CEACAM6: variants seen among roughly 807,000 people sequenced by gnomAD.
The protein encoded by CEACAM6 is cell adhesion molecule CEACAM6.
CEACAM6 carries 21 observed loss-of-function variants against 32.4 expected under a neutral mutation model. The observed-to-expected ratio is 0.65, with a 90% CI of 0.46 to 0.93. The LOEUF (loss-of-function observed/expected upper bound fraction) is 0.93, where lower values mean the gene tolerates loss of function less well. CEACAM6 is among the 40% of genes least tolerant of loss of function. The pLI is 0.00. For missense variants in CEACAM6, 406 were observed against 432.2 expected (o/e 0.94, Z 0.54); for synonymous variants, 184 against 174.4 (o/e 1.06, Z -0.43).
chr19:41,761,815 T>C (rs1484014322), intron 3 of CEACAM6, among the ~76,000 whole-genome samples, 154 bp from the exon 4 acceptor site: 1 of 152,226 alleles, frequency 6.6e-6, no homozygotes, highest in African/African-American at 2.4e-5. Flanking sequence ...AACAGGTGAA[T>C]GTCTCAGACT....
rs553625050 is a variant in CEACAM6, at chr19:41,768,127, G to A, written c.*40+1828G>A. On this transcript the variant is annotated intron_variant, in intron 5 of 5. Transcript: ENST00000199764. The stretch of plus-strand genomic sequence containing the variant: ...TATTGATCATTCTTGGGTGTTTCTC[G>A]CAGAGGGGGATTTGGCAGGGTCATA... 6.9e-3 allele frequency among the ~76,000 whole-genome samples: 1,017 copies of A among 147,384 alleles called. 9 individuals are homozygous for A. Among genetic ancestry groups the A allele is most frequent in the Non-Finnish European group, 0.011 (728 of 66,680 alleles).
intron 4 of CEACAM6, among the ~76,000 whole-genome samples, chr19:41,763,979 C>T (rs1555822185): frequency 6.6e-6 from 1 of 152,202 alleles, no homozygotes; most frequent in Non-Finnish European, 1.5e-5. Flanking sequence ...AGAAGTGGGG[C>T]AAGCAGGCAT....
chr19:41,759,906 A>G (rs1555821612), intron 2 of CEACAM6, among the ~76,000 whole-genome samples: 1 of 152,216 alleles, frequency 6.6e-6, no homozygotes. Context: ...ACACTTTTTG[A>G]CCACTAAAGT....
In CEACAM6 at chr19:41,766,240, C is replaced by A; in HGVS notation, c.1016C>A (p.Ala339Asp). The part of the protein sequence containing the change: ...ATVGITIGVL[A>D]RVALI Reference sequence around the variant, plus strand: ...GTCGGCATCACGATTGGAGTGCTGGCCAGGGTGGCTCTGATATAGCAGCCC... The same window carrying A: ...GTCGGCATCACGATTGGAGTGCTGGACAGGGTGGCTCTGATATAGCAGCCC... Residue 339 changes from alanine (A) to aspartate (D), a missense_variant, in exon 5 of 6, where the codon GCC (alanine) becomes GAC (aspartate). Ala to Asp is a moderately radical substitution (Grantham distance 126). Transcript: ENST00000199764. 1 of 1,603,332 alleles carries A rather than the reference C, an allele frequency of 6.2e-7. No individual in the cohort carries two copies.
At position 41,756,910 on chromosome 19, in the gene CEACAM6, A is replaced by G; in HGVS notation, c.375A>G (p.Ile125Met). The change falls in exon 2 of 6, where the codon ATA (isoleucine) becomes ATG (methionine). Residue 125 changes from isoleucine (I) to methionine (M), a missense_variant. Transcript: ENST00000199764. ...NDTGFYTLQV[I>M]KSDLVNEEAT... ...CAGGATTCTATACCCTACAAGTCAT[A>G]AAGTCAGATCTTGTGAATGAAGAAG... 6.2e-7 allele frequency: 1 copy of G among 1,613,822 alleles called. No homozygotes were observed. Among genetic ancestry groups the G allele is most frequent in the Non-Finnish European group, 8.5e-7 (1 of 1,179,826 alleles).
In CEACAM6 at chr19:41,761,980, GT is replaced by G. The variant is rs2072927619; in HGVS notation, c.716del (p.Val239AlafsTer17). 3 of 1,613,432 alleles carry G rather than the reference GT, an allele frequency of 1.9e-6. No homozygotes were observed. Among genetic ancestry groups the G allele is most frequent in the Non-Finnish European group, 2.5e-6 (3 of 1,179,558 alleles). ...TCTGTTTCCTCCAGATGGCCCAGAT[GT>G]CCCCACCATTTCCCCCTCAAAGGCC... ...VTLNVLYGPD[V>X]PTISPSKANY... On this transcript the variant is annotated frameshift_variant, in exon 4 of 6. Transcript: ENST00000199764. LOFTEE classifies it high-confidence loss of function.
At chr19:41,758,498 T>C (rs1229569950) in intron 2 of CEACAM6, among the ~76,000 whole-genome samples, 1 of 152,168 alleles carries the variant, frequency 6.6e-6, no homozygotes, top group Non-Finnish European at 1.5e-5. Flanking sequence ...TCTGAACCCC[T>C]GTCCCTAAAC....
chr19:41,756,562 G>T (rs782610424), intron 1 of CEACAM6, 38 bp from the exon 2 acceptor site: 1 of 1,591,076 alleles, frequency 6.3e-7, no homozygotes, highest in Non-Finnish European at 8.6e-7. Context: ...CTAATGCATA[G>T]GTCCCAATAT....
chr19:41,761,004 T>C (rs1213070056), intron 2 of CEACAM6, among the ~76,000 whole-genome samples: 2 of 152,202 alleles, frequency 1.3e-5, no homozygotes, highest in African/African-American at 2.4e-5. Flanking sequence ...TGTCTGTCCA[T>C]GACCCAATGC....
chr19:41,770,276 AG>A (rs2072986148), intron 5 of CEACAM6, among the ~76,000 whole-genome samples: 1 of 150,070 alleles, frequency 6.7e-6, no homozygotes, highest in East Asian at 1.9e-4. Context: ...AAAAAAAAAA[AG>A]CTAGGTGTGG....
At chr19:41,770,253 T>TCC (rs1555822848) in intron 5 of CEACAM6, among the ~76,000 whole-genome samples, 363 of 30,612 alleles carry the variant, frequency 0.012, 2 homozygotes, top group African/African-American at 0.057. Context: ...CTGCTAAAAA[T>TCC]ACAAAAAAAA....
intron 3 of CEACAM6, 121 bp downstream of exon 3, chr19:41,761,648 C>T: frequency 1.3e-6 from 2 of 1,517,212 alleles, no homozygotes; most frequent in South Asian, 1.3e-5. Context: ...CTGGCCATGA[C>T]TTCCTGCCCT....
At chr19:41,770,583 A>G (rs1188287582) in intron 5 of CEACAM6, among the ~76,000 whole-genome samples, 6 of 152,104 alleles carry the variant, frequency 3.9e-5, no homozygotes, top group African/African-American at 9.7e-5. Context: ...AAAAAAGACT[A>G]TGTGGTCACC....
chr19:41,756,517 G>A (rs1040496191), intron 1 of CEACAM6, 83 bp from the exon 2 acceptor site: 1 of 1,542,030 alleles, frequency 6.5e-7, no homozygotes, highest in African/African-American at 1.4e-5. Context: ...GGGGTGAAGA[G>A]ACCTGCTCAG....
At chr19:41,769,130 A>G (rs933476869) in intron 5 of CEACAM6, among the ~76,000 whole-genome samples, 4 of 151,996 alleles carry the variant, frequency 2.6e-5, no homozygotes, top group Non-Finnish European at 5.9e-5. Flanking sequence ...TTTTTAGTAG[A>G]GACGGGGTTT....
intron 2 of CEACAM6, among the ~76,000 whole-genome samples, chr19:41,760,442 CAT>C (rs1477785381): frequency 2.0e-5 from 3 of 152,192 alleles, no homozygotes; most frequent in African/African-American, 7.2e-5. Flanking sequence ...CAAACATCCA[CAT>C]GTGTTTATGG....
At chr19:41,757,027 G>A (rs1000730833) in intron 2 of CEACAM6, 68 bp downstream of exon 2, 10 of 1,547,166 alleles carry the variant, frequency 6.5e-6, no homozygotes, top group East Asian at 4.5e-5. Context: ...GGATTGTCAG[G>A]CCTGGGTTGT....
rs78338897 is a variant in CEACAM6 at position 41,761,645 on chromosome 19, T to C, written c.703+118T>C. 9,802 of 1,530,144 alleles carry C rather than the reference T, an allele frequency of 6.4e-3. 542 individuals carry two copies. The African/African-American group carries it at 0.12, about 18-fold the overall frequency. The allele number at this position is 1,530,144 out of a possible 1,614,324, so 94.8% of individuals were successfully genotyped here. A position where few individuals can be genotyped will look rare whatever the true frequency, so the allele number is the denominator to read the frequency against. On this transcript the variant is annotated intron_variant, in intron 3 of 5. Coordinates refer to ENST00000199764, the MANE Select transcript of CEACAM6 (RefSeq NM_002483.7). Reference sequence around the variant, plus strand: ...CTCAGACCCTCACCCAGGCTGGCCATGACTTCCTGCCCTGAGCAAACCTGG... The same window carrying C: ...CTCAGACCCTCACCCAGGCTGGCCACGACTTCCTGCCCTGAGCAAACCTGG...
At chr19:41,768,910 TTTTTG>T (rs1357886615) in intron 5 of CEACAM6, among the ~76,000 whole-genome samples, 1 of 152,196 alleles carries the variant, frequency 6.6e-6, no homozygotes, top group Non-Finnish European at 1.5e-5. Context: ...TGACAATTGT[TTTTTG>T]TTTTGTTTTG....
Sources: gnomAD v4.1 joint callset for allele counts (sites outside exome capture counted in the v4.1 genomes callset) on GRCh38, gnomAD v4.1.1 for gene constraint, MANE v1.5 for transcripts, NCBI Gene and HGNC (gene_info 2026-07-23, HGNC 2026-07-21) for gene names.